Variants in P2RX5 observed in about 807,000 individuals in gnomAD.
P2RX5 encodes P2X purinoceptor 5.
A neutral mutation model predicts 54.1 loss-of-function variants in P2RX5; 46 were observed. That is an observed-to-expected ratio of 0.85 (90% CI 0.67 to 1.09). P2RX5 has a LOEUF of 1.09. P2RX5 is among the 50% of genes least tolerant of loss of function. The pLI is 0.00. For missense variants in P2RX5, 566 were observed against 549.8 expected, an observed-to-expected ratio of 1.03 and a Z score of -0.29; for synonymous variants, 226 against 226.4, an observed-to-expected ratio of 1.00 and a Z score of 0.02.
chr17:3,676,522 T>C (rs1345750776), intron 11 of P2RX5: 2 of 985,326 alleles, frequency 2.0e-6, no homozygotes, highest in East Asian at 2.3e-4. Context: ...CTGAGCATAC[T>C]GCTGCTTTCA....
chr17:3,699,968 AAG>A (rs1249110484), upstream of P2RX5, among the ~76,000 whole-genome samples: 2 of 138,184 alleles, frequency 1.4e-5, no homozygotes, highest in African/African-American at 5.0e-5. Context: ...GAAAGAAAGA[AAG>A]AAAGAAAATT....
chr17:3,695,755 C>G (rs1290401049), intron 1 of P2RX5, 114 bp downstream of exon 1: 2 of 1,332,794 alleles, frequency 1.5e-6, no homozygotes, highest in African/African-American at 1.4e-5. Context: ...AGACCCCCAG[C>G]TACCGGGAAA....
At chr17:3,698,228 C>T (rs186852161), upstream of P2RX5, among the ~76,000 whole-genome samples, 8 of 152,116 alleles carry the variant, frequency 5.3e-5, no homozygotes, top group East Asian at 1.9e-4. Context: ...AGAAGATGCC[C>T]GTCACCCTGA....
chr17:3,699,924 AAG>A (rs1491510118), upstream of P2RX5, among the ~76,000 whole-genome samples: 1 of 69,876 alleles, frequency 1.4e-5, no homozygotes, highest in East Asian at 2.9e-4. Context: ...GAAGGAAAGA[AAG>A]AAAGAAAGAA....
At chr17:3,680,765 ATCCTCCACCCAGTG>A (rs1567730814) in intron 10 of P2RX5, among the ~76,000 whole-genome samples, 132 of 40,600 alleles carry the variant, frequency 3.3e-3, no homozygotes, top group African/African-American at 6.1e-3. Context: ...TCCACCCTGC[ATCCTCCACCCAGTG>A]TCCTCCACCC....
chr17:3,701,343 C>T, the P2RX5 span, among the ~76,000 whole-genome samples: 2 of 152,104 alleles, frequency 1.3e-5, no homozygotes, highest in Admixed American at 1.3e-4. Flanking sequence ...GATTGGACAC[C>T]TCTGGTCTAG....
chr17:3,673,635 T>C lies in P2RX5; in HGVS notation c.*233A>G. On this transcript the variant is annotated 3_prime_UTR_variant, in exon 12 of 12. Coordinates refer to ENST00000225328, the MANE Select transcript of P2RX5 (RefSeq NM_002561.4). ...AGCCAGCCACGGAGAAAGGAAGAAC[T>C]GACGGCAGGGGGTGGGGCAAAAAGA... The C allele has an allele frequency of 1.4e-6, 2 of 1,432,182 alleles. No homozygotes were observed. The highest frequency in any genetic ancestry group is 1.8e-6 in the Non-Finnish European group (2 of 1,095,238). 88.7% of individuals were successfully genotyped at this position (1,432,182 alleles called of 1,614,324 possible).
upstream of P2RX5, among the ~76,000 whole-genome samples, chr17:3,699,095 C>CACACACATATATA (rs60173844): frequency 3.0e-5 from 3 of 100,192 alleles, no homozygotes; most frequent in African/African-American, 1.3e-4. Context: ...ACACACACAC[C>CACACACATATATA]TATATATATA....
intron 7 of P2RX5, 27 bp from the exon 8 acceptor site, chr17:3,688,786 C>G (rs772256012): frequency 1.9e-6 from 3 of 1,613,248 alleles, no homozygotes; most frequent in Non-Finnish European, 2.5e-6. Context: ...TGAGGGTCAG[C>G]ACACACAGCT....
At chr17:3,714,055 G>A in the P2RX5 span, among the ~76,000 whole-genome samples, 1 of 151,500 alleles carries the variant, frequency 6.6e-6, no homozygotes, top group African/African-American at 2.4e-5. Flanking sequence ...AGCCTCCCGA[G>A]TAGCTGGGAC....
the P2RX5 span, among the ~76,000 whole-genome samples, chr17:3,720,784 T>C: frequency 6.6e-6 from 1 of 152,296 alleles, no homozygotes; most frequent in South Asian, 2.1e-4. Context: ...GGTTTTGCCA[T>C]GTTGGCCAGG....
chr17:3,673,430 C>A lies in P2RX5; in HGVS notation c.*438G>T. On this transcript the variant is annotated 3_prime_UTR_variant, in exon 12 of 12. Transcript: ENST00000225328. ...GGAGAGTATGCTCTGAGGGAAGCTG[C>A]GGCACTTGCAGAGGGGAGTGGGCTG... is the stretch of plus-strand genomic sequence containing the variant. The A allele has an allele frequency of 9.3e-7, 1 of 1,079,414 alleles. No homozygotes were observed. The highest frequency in any genetic ancestry group is 1.1e-6 in the Non-Finnish European group (1 of 885,626). 66.9% of individuals were successfully genotyped at this position (1,079,414 alleles called of 1,614,324 possible). A position where few individuals can be genotyped will look rare whatever the true frequency, so the allele number is the denominator to read the frequency against.
chr17:3,685,657 T>TCTCCCCTCCTCCCG (rs1555569503), intron 9 of P2RX5: 2 of 75,844 alleles, frequency 2.6e-5, no homozygotes, highest in Admixed American at 1.4e-4. Flanking sequence ...AGCGTCCCCC[T>TCTCCCCTCCTCCCG]CCCAGCCTGA....
At chr17:3,705,386 C>T in the P2RX5 span, among the ~76,000 whole-genome samples, 1 of 152,170 alleles carries the variant, frequency 6.6e-6, no homozygotes, top group Non-Finnish European at 1.5e-5. Flanking sequence ...CAGCTTGGCT[C>T]GTGGGCTTTA....
chr17:3,681,801 C>A (rs977957883), intron 10 of P2RX5, 95 bp downstream of exon 10: 6 of 846,800 alleles, frequency 7.1e-6, no homozygotes, highest in Middle Eastern at 3.1e-4. Flanking sequence ...TGCCTCCCAC[C>A]CCAGCCATCA....
the P2RX5 span, chr17:3,723,394 G>C: frequency 6.3e-7 from 1 of 1,578,526 alleles, no homozygotes; most frequent in Non-Finnish European, 8.7e-7. Flanking sequence ...CTGGAAAAGC[G>C]AGGTCTAGTG....
At chr17:3,681,362 C>T (rs1000644158) in intron 10 of P2RX5, among the ~76,000 whole-genome samples, 42 of 152,190 alleles carry the variant, frequency 2.8e-4, no homozygotes, top group Non-Finnish European at 7.4e-5. Flanking sequence ...TTCCCCTTCC[C>T]GCCCTCCCAC....
intron 7 of P2RX5, 42 bp downstream of exon 7, chr17:3,689,450 C>T: frequency 6.2e-7 from 1 of 1,611,586 alleles, no homozygotes. Context: ...GCCCAGTGCC[C>T]CCAGGCCCTC....
intron 1 of P2RX5, among the ~76,000 whole-genome samples, chr17:3,693,172 A>G (rs903197610): frequency 2.0e-5 from 3 of 150,914 alleles, no homozygotes; most frequent in Admixed American, 6.6e-5. Flanking sequence ...CAAATGCCCA[A>G]TTAAGCATAT....
Sources: allele counts gnomAD v4.1 joint callset (sites outside exome capture counted in the v4.1 genomes callset), GRCh38; gene constraint gnomAD v4.1.1; transcripts MANE v1.5; gene names NCBI Gene and HGNC (gene_info 2026-07-23, HGNC 2026-07-21).